AP4E1: variants seen among roughly 807,000 people sequenced by gnomAD.
AP4E1 encodes the protein adaptor related protein complex 4 subunit epsilon 1.
In AP4E1, 56 loss-of-function variants were observed where a neutral mutation model predicts 128.2. The ratio of observed to expected loss-of-function variants is 0.44; its 90% CI spans 0.35 to 0.55. The LOEUF (loss-of-function observed/expected upper bound fraction) is 0.55, where lower values mean the gene tolerates loss of function less well. AP4E1 is among the 20% of genes least tolerant of loss of function. The pLI is 0.00. For missense variants in AP4E1, 1,324 were observed against 1,307.7 expected (o/e 1.01, Z -0.19); for synonymous variants, 484 against 473.1 (o/e 1.02, Z -0.30).
chr15:50,922,740 T>C (rs1441665148), intron 3 of AP4E1, among the ~76,000 whole-genome samples: 1 of 151,956 alleles, frequency 6.6e-6, no homozygotes, highest in Admixed American at 6.6e-5. Context: ...GGCTCCACCA[T>C]GTGATAGATT....
chr15:50,972,819 C>A (rs1048955349), intron 15 of AP4E1, among the ~76,000 whole-genome samples: 30 of 152,154 alleles, frequency 2.0e-4, no homozygotes, highest in Non-Finnish European at 4.4e-5. Context: ...GGGTGCAAGG[C>A]TGTTTGGCTG....
chr15:50,964,804 A>T (rs1277598336), intron 14 of AP4E1, among the ~76,000 whole-genome samples: 1 of 152,066 alleles, frequency 6.6e-6, no homozygotes, highest in Admixed American at 6.6e-5. Flanking sequence ...CCAAATCTCA[A>T]GTTGAATTGT....
At chr15:50,950,409 GT>G (rs1342981656) in intron 13 of AP4E1, among the ~76,000 whole-genome samples, 4 of 151,774 alleles carry the variant, frequency 2.6e-5, no homozygotes, top group African/African-American at 9.7e-5. Flanking sequence ...TGTTTTTGTT[GT>G]GTTTTTTATG....
At chr15:50,935,350 T>C (rs2063893766) in intron 8 of AP4E1, among the ~76,000 whole-genome samples, 2 of 148,452 alleles carry the variant, frequency 1.3e-5, no homozygotes, top group South Asian at 4.1e-4. Flanking sequence ...AATAATAGTA[T>C]ACTATTTTGT....
intron 5 of AP4E1, among the ~76,000 whole-genome samples, chr15:50,927,679 T>C (rs768404427): frequency 2.0e-5 from 3 of 152,100 alleles, no homozygotes; most frequent in Non-Finnish European, 4.4e-5. Context: ...TTCTTTTTTT[T>C]TTTGTGAAGA....
intron 10 of AP4E1, among the ~76,000 whole-genome samples, chr15:50,943,032 T>C (rs1249704782): frequency 6.6e-6 from 1 of 152,102 alleles, no homozygotes; most frequent in African/African-American, 2.4e-5. Flanking sequence ...TTTCAACTCA[T>C]TCCTTTCCCC....
At chr15:50,919,532 CAA>C (rs1176929818) in intron 3 of AP4E1, among the ~76,000 whole-genome samples, 1 of 130,318 alleles carries the variant, frequency 7.7e-6, no homozygotes, top group African/African-American at 3.0e-5. Context: ...AATTCCATCT[CAA>C]AAAATAAATA....
rs147860818 is a variant in AP4E1 at position 50,987,651 on chromosome 15, C to T, written c.2090+3506C>T. On this transcript the variant is annotated intron_variant, in intron 16 of 20. Coordinates refer to ENST00000261842, the MANE Select transcript of AP4E1 (RefSeq NM_007347.5). ...TTAATCCTGAGTTCTAGTTTGATTG[C>T]ACTGTGATCTGAGAGACAGTTTGTT... 5.3e-3 allele frequency among the ~76,000 whole-genome samples: 802 copies of T among 152,302 alleles called. 2 individuals carry two copies. The highest frequency in any genetic ancestry group is 8.2e-3 in the Non-Finnish European group (559 of 68,028).
intron 15 of AP4E1, among the ~76,000 whole-genome samples, chr15:50,978,335 C>A (rs1160732830): frequency 6.6e-6 from 1 of 151,820 alleles, no homozygotes; most frequent in Non-Finnish European, 1.5e-5. Context: ...AAAGCCATGT[C>A]AAGGTAAGGT....
chr15:50,934,132 C>CT (rs1221438013), intron 7 of AP4E1, among the ~76,000 whole-genome samples: 1 of 151,882 alleles, frequency 6.6e-6, no homozygotes, highest in Non-Finnish European at 1.5e-5. Flanking sequence ...CACAAAATAT[C>CT]TTTTTTTATA....
At chr15:50,956,675 A>G (rs561257165) in intron 13 of AP4E1, among the ~76,000 whole-genome samples, 2 of 152,300 alleles carry the variant, frequency 1.3e-5, no homozygotes, top group Admixed American at 6.5e-5. Context: ...CAAGAGCAGC[A>G]TGGGGGAAAC....
At chr15:50,954,778 T>A (rs1056212198) in intron 13 of AP4E1, among the ~76,000 whole-genome samples, 3 of 152,178 alleles carry the variant, frequency 2.0e-5, no homozygotes, top group Non-Finnish European at 2.9e-5. Context: ...ATGTGCCATG[T>A]TGATGTGCTG....
chr15:50,930,695 G>A (rs1054511047), intron 6 of AP4E1, 110 bp from the exon 7 acceptor site: 15 of 1,092,036 alleles, frequency 1.4e-5, no homozygotes, highest in Non-Finnish European at 2.1e-5. Context: ...CATTAAATGT[G>A]AACATAAACT....
At chr15:50,961,737 C>T (rs1212121846) in intron 14 of AP4E1, among the ~76,000 whole-genome samples, 3 of 151,922 alleles carry the variant, frequency 2.0e-5, no homozygotes, top group Non-Finnish European at 4.4e-5. Context: ...CAACATAGTA[C>T]TGGAAGTCCT....
chr15:51,002,765 G>T lies in AP4E1; in HGVS notation c.*103G>T. On this transcript the variant is annotated 3_prime_UTR_variant, in exon 21 of 21. Transcript: ENST00000261842. ...TCATGGTACTTCTAATGAAAATGGG[G>T]ATTATTACAAGTGTGGTTTATATGT... 7.2e-7 allele frequency: 1 copy of T among 1,383,054 alleles called. No homozygotes were observed. The allele number at this position is 1,383,054 out of a possible 1,614,324, so 85.7% of individuals were successfully genotyped here.
chr15:50,959,854 A>T (rs1453113317), intron 14 of AP4E1, among the ~76,000 whole-genome samples: 1 of 152,242 alleles, frequency 6.6e-6, no homozygotes, highest in Non-Finnish European at 1.5e-5. Context: ...AGATAACAAA[A>T]TAAGATCCAG....
At position 50,958,361 on chromosome 15, in the gene AP4E1, T is replaced by A. The variant is rs1368082134; in HGVS notation, c.1549-131T>A. The A allele has an allele frequency of 4.0e-6, 3 of 743,838 alleles. No homozygotes were observed. The East Asian group carries it at 8.1e-5, about 20-fold the overall frequency. 46.1% of individuals were successfully genotyped at this position (743,838 alleles called of 1,614,324 possible). On this transcript the variant is annotated intron_variant, in intron 13 of 20. Coordinates refer to ENST00000261842, the MANE Select transcript of AP4E1 (RefSeq NM_007347.5). ...AAATATACAGTTGTATCTTTAATAATTTTTTCACCATGAGAGGATGTTTAA... is the reference window on the plus strand; with the variant it reads ...AAATATACAGTTGTATCTTTAATAAATTTTTCACCATGAGAGGATGTTTAA...
chr15:50,996,034 G>T (rs1177964676), intron 17 of AP4E1, among the ~76,000 whole-genome samples: 2 of 135,874 alleles, frequency 1.5e-5, no homozygotes, highest in African/African-American at 5.7e-5. Flanking sequence ...TGTTACCCAG[G>T]TTGGAGTGCA....
intron 1 of AP4E1, among the ~76,000 whole-genome samples, chr15:50,909,279 C>A (rs1348108055): frequency 2.0e-5 from 3 of 152,192 alleles, no homozygotes; most frequent in African/African-American, 4.8e-5. Context: ...AGATGTCAAG[C>A]GTGTGAAAAT....
Sources: gnomAD v4.1 joint callset for allele counts (sites outside exome capture counted in the v4.1 genomes callset) on GRCh38, gnomAD v4.1.1 for gene constraint, MANE v1.5 for transcripts, NCBI Gene and HGNC (gene_info 2026-07-23, HGNC 2026-07-21) for gene names.